Variants in MEI4 observed in about 807,000 individuals in gnomAD.
MEI4 encodes meiosis-specific protein MEI4.
MEI4 carries 27 observed loss-of-function variants against 31.4 expected under a neutral mutation model. That is an observed-to-expected ratio of 0.86 (90% CI 0.63 to 1.19). The LOEUF (loss-of-function observed/expected upper bound fraction) is 1.19, where lower values mean the gene tolerates loss of function less well. Ranked by LOEUF, MEI4 falls within the 50% of genes most tolerant of loss-of-function variation. MEI4 has a pLI of 0.00. For synonymous variants in MEI4, 122 were observed against 145.4 expected (o/e 0.84, Z 1.16); for missense variants, 329 against 398.9 (o/e 0.82, Z 1.49).
intron 4 of MEI4, among the ~76,000 whole-genome samples, chr6:77,920,697 T>C (rs1581983999): frequency 1.3e-5 from 2 of 152,026 alleles, no homozygotes; most frequent in East Asian, 3.9e-4. Flanking sequence ...ATAAGACTTA[T>C]AAACAAAAAT....
intron 2 of MEI4, among the ~76,000 whole-genome samples, chr6:77,738,732 C>T (rs1767319126): frequency 6.6e-6 from 1 of 152,170 alleles, no homozygotes; most frequent in Admixed American, 6.5e-5. Context: ...ATTCCTATTT[C>T]TCCACATCCT....
At chr6:77,840,160 A>C (rs1431620526) in intron 4 of MEI4, among the ~76,000 whole-genome samples, 5 of 152,192 alleles carry the variant, frequency 3.3e-5, no homozygotes, top group Non-Finnish European at 5.9e-5. Flanking sequence ...GCATAATTTT[A>C]ACATATACAT....
intron 4 of MEI4, among the ~76,000 whole-genome samples, chr6:77,893,719 T>A (rs1766019367): frequency 6.6e-6 from 1 of 152,216 alleles, no homozygotes; most frequent in Admixed American, 6.5e-5. Flanking sequence ...ACATTTGTCA[T>A]CAGGTAAGAA....
chr6:77,716,557 T>A lies in MEI4; in HGVS notation c.232+25654T>A, dbSNP rs143147774. Among the ~76,000 whole-genome samples the A allele has an allele frequency of 1.4e-3, 212 of 152,128 alleles. 1 individual carries two copies. The highest frequency in any genetic ancestry group is 4.5e-3 in the African/African-American group (186 of 41,508). Reference sequence around the variant, plus strand: ...AAGGGGTGAGGCTGAATGTGTGGAGTCCAGTTAAGAATTCATTGCCCTGGG... The same window carrying A: ...AAGGGGTGAGGCTGAATGTGTGGAGACCAGTTAAGAATTCATTGCCCTGGG... On this transcript the variant is annotated intron_variant, in intron 2 of 4. Coordinates refer to ENST00000684080, the MANE Select transcript of MEI4 (RefSeq NM_001322247.2).
intron 4 of MEI4, among the ~76,000 whole-genome samples, chr6:77,864,824 G>C (rs979610349): frequency 2.0e-5 from 3 of 152,002 alleles, no homozygotes; most frequent in Non-Finnish European, 2.9e-5. Context: ...TGACCACATA[G>C]GTGGAAGTAA....
At chr6:77,666,105 G>A (rs1025502146) in intron 1 of MEI4, among the ~76,000 whole-genome samples, 14 of 152,198 alleles carry the variant, frequency 9.2e-5, no homozygotes, top group African/African-American at 2.4e-4. Context: ...GAGAGTCAGC[G>A]AAGGGTGGTG....
At chr6:77,803,447 C>T (rs538609023) in intron 3 of MEI4, among the ~76,000 whole-genome samples, 9 of 152,104 alleles carry the variant, frequency 5.9e-5, no homozygotes, top group African/African-American at 1.7e-4. Flanking sequence ...GTAGTTTGAT[C>T]GTCTGAAGGC....
At chr6:77,855,766 T>A (rs1770732202) in intron 4 of MEI4, among the ~76,000 whole-genome samples, 2 of 152,120 alleles carry the variant, frequency 1.3e-5, no homozygotes, top group Non-Finnish European at 1.5e-5. Flanking sequence ...TTTAACAAAG[T>A]TCTTTACAAG....
At chr6:77,688,837 G>A (rs1769106282) in intron 1 of MEI4, among the ~76,000 whole-genome samples, 1 of 152,048 alleles carries the variant, frequency 6.6e-6, no homozygotes, top group African/African-American at 2.4e-5. Context: ...TGCACATAGG[G>A]TGCTTTTCTG....
At chr6:77,907,087 G>T (rs1334058239) in intron 4 of MEI4, among the ~76,000 whole-genome samples, 1 of 151,514 alleles carries the variant, frequency 6.6e-6, no homozygotes, top group African/African-American at 2.4e-5. Context: ...GAAATAGCAA[G>T]ATTTTTTTCA....
chr6:77,665,569 G>T (rs1383312772), intron 1 of MEI4, among the ~76,000 whole-genome samples: 1 of 152,200 alleles, frequency 6.6e-6, no homozygotes. Context: ...GCTGCTAAGG[G>T]TGAAGGACCA....
intron 2 of MEI4, among the ~76,000 whole-genome samples, chr6:77,726,960 T>C (rs1766841866): frequency 6.6e-6 from 1 of 152,246 alleles, no homozygotes; most frequent in Admixed American, 6.5e-5. Context: ...GTATATGCTA[T>C]TTAATTACTT....
At chr6:77,907,913 G>T (rs4479899) in intron 4 of MEI4, among the ~76,000 whole-genome samples, 125,469 of 151,934 alleles carry the variant, frequency 0.83, 52,322 homozygotes, top group East Asian at 0.95. Context: ...TGACGAGCGT[G>T]TTTTCATTTG....
chr6:77,826,840 C>A (rs1458810011), intron 3 of MEI4, among the ~76,000 whole-genome samples: 2 of 152,118 alleles, frequency 1.3e-5, no homozygotes, highest in African/African-American at 4.8e-5. Context: ...CGGCTCTTCT[C>A]CAAGTTCCTC....
At chr6:77,916,497 G>C (rs1209500490) in intron 4 of MEI4, among the ~76,000 whole-genome samples, 1 of 151,946 alleles carries the variant, frequency 6.6e-6, no homozygotes, top group East Asian at 1.9e-4. Flanking sequence ...CAGATTCTGG[G>C]AGCATGCATT....
intron 4 of MEI4, among the ~76,000 whole-genome samples, chr6:77,914,576 G>A (rs944290674): frequency 2.0e-5 from 3 of 152,052 alleles, no homozygotes; most frequent in African/African-American, 7.2e-5. Context: ...TGTTCTGTAA[G>A]TGTCTGTTAG....
At chr6:77,908,648 T>C (rs1463870200) in intron 4 of MEI4, among the ~76,000 whole-genome samples, 1 of 152,076 alleles carries the variant, frequency 6.6e-6, no homozygotes. Context: ...TTTGGTTCCA[T>C]ATGAACTTTA....
intron 3 of MEI4, among the ~76,000 whole-genome samples, chr6:77,783,336 C>T (rs2127691975): frequency 1.3e-5 from 2 of 152,192 alleles, no homozygotes; most frequent in East Asian, 3.9e-4. Flanking sequence ...AAAAATATAC[C>T]TTCCTTCATG....
intron 4 of MEI4, among the ~76,000 whole-genome samples, chr6:77,834,780 C>G (rs909554430): frequency 2.0e-5 from 3 of 152,144 alleles, no homozygotes; most frequent in Admixed American, 6.5e-5. Context: ...CTAAAGCAAA[C>G]AGCATTTGCC....
Sources: allele counts gnomAD v4.1 joint callset (sites outside exome capture counted in the v4.1 genomes callset), GRCh38; gene constraint gnomAD v4.1.1; transcripts MANE v1.5; gene names NCBI Gene and HGNC (gene_info 2026-07-23, HGNC 2026-07-21).